The following TPP2 variants were observed in gnomAD, a reference collection of about 807,000 sequenced individuals.
The protein encoded by TPP2 is tripeptidyl-peptidase 2.
TPP2 carries 34 observed loss-of-function variants against 155.9 expected under a neutral mutation model. That is an observed-to-expected ratio of 0.22 (90% CI 0.17 to 0.29). The LOEUF is 0.29. Among genes scored for constraint, TPP2 ranks in the 10% least tolerant of loss-of-function variants. The pLI, the probability that TPP2 is intolerant of heterozygous loss-of-function variation, is 1.00. For missense variants in TPP2, 1,028 were observed against 1,522.3 expected (o/e 0.68, Z 5.40); for synonymous variants, 510 against 529.4 (o/e 0.96, Z 0.50).
chr13:102,647,124 T>C, intron 20 of TPP2, 83 bp from the exon 21 acceptor site: 1 of 1,412,458 alleles, frequency 7.1e-7, no homozygotes, highest in Non-Finnish European at 9.4e-7. Context: ...AATGAAAAAG[T>C]CTCATGTCAA....
At chr13:102,646,555 A>G (rs1322294024) in intron 20 of TPP2, among the ~76,000 whole-genome samples, 165 bp downstream of exon 20, 1 of 152,252 alleles carries the variant, frequency 6.6e-6, no homozygotes, top group Non-Finnish European at 1.5e-5. Flanking sequence ...TATAATTTGT[A>G]ATTAAATACC....
chr13:102,603,059 C>A (rs1879553831), intron 1 of TPP2, among the ~76,000 whole-genome samples: 1 of 152,054 alleles, frequency 6.6e-6, no homozygotes, highest in African/African-American at 2.4e-5. Context: ...TATTTTCCCA[C>A]AAAAATGTGT....
rs1033778645 is a variant in TPP2, at chr13:102,604,995, A to G, written c.294+74A>G. 7.6e-6 allele frequency: 12 copies of G among 1,583,868 alleles called. No homozygotes were observed. In the African/African-American group the frequency reaches 1.5e-4, roughly 20 times the overall value. On this transcript the variant is annotated intron_variant, in intron 2 of 29. Transcript: ENST00000376052. ...TCAAAGCATCTAATGTTTTTACCTT[A>G]CATTTGGTGGTGGTATTAGTTATCC...
chr13:102,614,164 T>G lies in TPP2; in HGVS notation c.358T>G (p.Phe120Val), dbSNP rs753366497. The change falls in exon 3 of 30, where the codon TTC (phenylalanine) becomes GTC (valine). Residue 120 changes from phenylalanine to valine, a missense_variant. Coordinates refer to ENST00000376052, the MANE Select transcript of TPP2 (RefSeq NM_001330588.2). ...TATTGGCATAAAAAATGGCTATGAC[T>G]TCTATCCTAAGGCACTCAAGGAAAG... ...YHIGIKNGYDFYPKALKERIQ... is the reference protein window; with the variant it reads ...YHIGIKNGYDVYPKALKERIQ... 6.2e-7 allele frequency: 1 copy of G among 1,613,626 alleles called. No individual in the cohort carries two copies. The highest frequency in any genetic ancestry group is 8.5e-7 in the Non-Finnish European group (1 of 1,179,734).
At chr13:102,673,277 G>A (rs1375355969) in intron 27 of TPP2, among the ~76,000 whole-genome samples, 1 of 152,180 alleles carries the variant, frequency 6.6e-6, no homozygotes, top group African/African-American at 2.4e-5. Context: ...CTTGTTGATG[G>A]TACAGTCCCG....
In TPP2 at chr13:102,623,606, T is replaced by C. The variant is rs568713551; in HGVS notation, c.784+566T>C. Reference sequence around the variant, plus strand: ...AGAATTTATCTCATGAACAGCAATTTTGCCTCGAAATCTTAACTCTTGAGA... The same window carrying C: ...AGAATTTATCTCATGAACAGCAATTCTGCCTCGAAATCTTAACTCTTGAGA... On this transcript the variant is annotated intron_variant, in intron 6 of 29. Transcript: ENST00000376052. Among the ~76,000 whole-genome samples, 54 of 152,294 alleles carry C rather than the reference T, an allele frequency of 3.5e-4. 1 individual carries two copies. The highest frequency in any genetic ancestry group is 1.3e-3 in the African/African-American group (54 of 41,572).
chr13:102,623,379 C>CCAAG (rs1881312818), intron 6 of TPP2, among the ~76,000 whole-genome samples: 2 of 152,146 alleles, frequency 1.3e-5, no homozygotes, highest in African/African-American at 4.8e-5. Context: ...GCCTGACCAA[C>CCAAG]ATGGAGAAAC....
intron 15 of TPP2, among the ~76,000 whole-genome samples, chr13:102,639,558 G>A (rs920156940): frequency 6.6e-6 from 1 of 152,092 alleles, no homozygotes; most frequent in Non-Finnish European, 1.5e-5. Flanking sequence ...TCTATCTGGA[G>A]CATCTTATGT....
intron 23 of TPP2, among the ~76,000 whole-genome samples, chr13:102,651,123 A>G (rs1053015197): frequency 5.3e-5 from 8 of 152,254 alleles, no homozygotes; most frequent in Non-Finnish European, 7.3e-5. Flanking sequence ...AAATTTTTCA[A>G]TAAGAAGTTG....
chr13:102,675,088 GAAATA>G (rs545344591), intron 28 of TPP2, among the ~76,000 whole-genome samples: 67 of 152,212 alleles, frequency 4.4e-4, no homozygotes, highest in Middle Eastern at 3.4e-3. Flanking sequence ...TTTTCCTGTG[GAAATA>G]AAATAAAGTA....
chr13:102,657,347 C>T (rs1247174520), intron 25 of TPP2, 140 bp downstream of exon 25: 1 of 397,378 alleles, frequency 2.5e-6, no homozygotes, highest in Non-Finnish European at 3.9e-6. Context: ...TTAAATTTTC[C>T]TCTTTTTATA....
At chr13:102,672,811 T>C (rs564726045) in intron 27 of TPP2, among the ~76,000 whole-genome samples, 1 of 152,334 alleles carries the variant, frequency 6.6e-6, no homozygotes, top group South Asian at 2.1e-4. Context: ...AAAAGTCTAC[T>C]TGTAAATCCT....
At chr13:102,631,222 G>C (rs1348067557) in intron 10 of TPP2, 1 of 152,192 alleles carries the variant, frequency 6.6e-6, no homozygotes, top group Non-Finnish European at 1.5e-5. Flanking sequence ...TTGTGCTCAG[G>C]TGAGATGCAA....
In TPP2 at chr13:102,637,140, G is replaced by C; in HGVS notation, c.1737G>C (p.Trp579Cys). The C allele has an allele frequency of 6.2e-7, 1 of 1,612,396 alleles. No individual in the cohort carries two copies. The highest frequency in any genetic ancestry group is 8.5e-7 in the Non-Finnish European group (1 of 1,179,630). ...LHLALTSNSS[W>C]VQCPSHLELM... Reference sequence around the variant, plus strand: ...TAGCTCTGACTTCAAATTCATCTTGGGTTCAGTGTCCCAGCCATTTGGAAC... The same window carrying C: ...TAGCTCTGACTTCAAATTCATCTTGCGTTCAGTGTCCCAGCCATTTGGAAC... The change falls in exon 14 of 30, where the codon TGG becomes TGC. Residue 579 changes from tryptophan (W) to cysteine (C), a missense_variant. Physicochemically the swap from Trp to Cys is radical, Grantham distance 215. This residue lies in a region of TPP2 where 325 missense variants were observed against 463.7 expected (regional missense o/e 0.70). Coordinates refer to ENST00000376052, the MANE Select transcript of TPP2 (RefSeq NM_001330588.2).
chr13:102,665,486 G>A (rs1884535177), intron 27 of TPP2, among the ~76,000 whole-genome samples: 1 of 152,156 alleles, frequency 6.6e-6, no homozygotes, highest in African/African-American at 2.4e-5. Flanking sequence ...TGTGTAAATA[G>A]AGAAGCTTCC....
At chr13:102,613,034 G>C (rs542307468) in intron 2 of TPP2, among the ~76,000 whole-genome samples, 6 of 152,182 alleles carry the variant, frequency 3.9e-5, no homozygotes, top group Non-Finnish European at 8.8e-5. Flanking sequence ...GCCGTGGGCT[G>C]TTGCAAAAAC....
Position 102,622,957 on chromosome 13 carries a change from G to T in TPP2, c.701G>T (p.Gly234Val). 1.9e-6 allele frequency: 3 copies of T among 1,614,114 alleles called. No homozygotes were observed. The highest frequency in any genetic ancestry group is 2.2e-5 in the East Asian group (1 of 44,878). The change falls in exon 6 of 30, where the codon GGC becomes GTC. Residue 234 changes from glycine to valine, a missense_variant. This residue lies in a region of TPP2 where 300 missense variants were observed against 398.3 expected (regional missense o/e 0.75). Transcript: ENST00000376052. ...LRNYKEAQEY[G>V]SFGTAEMLNY... ...AACTACAAAGAAGCCCAAGAATATG[G>T]CTCTTTTGGCACAGCTGAGATGTTG...
At chr13:102,663,401 C>T (rs1308665605) in intron 25 of TPP2, among the ~76,000 whole-genome samples, 1 of 152,198 alleles carries the variant, frequency 6.6e-6, no homozygotes, top group Non-Finnish European at 1.5e-5. Flanking sequence ...CTGCCTTGGC[C>T]TCCCAAAGTG....
chr13:102,654,385 ACTTT>A (rs1399363949), intron 24 of TPP2, among the ~76,000 whole-genome samples: 6 of 152,236 alleles, frequency 3.9e-5, no homozygotes, highest in African/African-American at 9.6e-5. Context: ...TTCATCATAA[ACTTT>A]CTTTGTCTCT....
Sources: gnomAD v4.1 joint callset for allele counts (sites outside exome capture counted in the v4.1 genomes callset) on GRCh38, gnomAD v4.1.1 for gene constraint, gnomAD v4.1.1 regional missense constraint, MANE v1.5 for transcripts, NCBI Gene and HGNC (gene_info 2026-07-23, HGNC 2026-07-21) for gene names.